The following B3GAT2 variants were observed in gnomAD, a reference collection of about 807,000 sequenced individuals.
B3GAT2 encodes galactosylgalactosylxylosylprotein 3-beta-glucuronosyltransferase 2.
In B3GAT2, 26 loss-of-function variants were observed where a neutral mutation model predicts 27.8. The ratio of observed to expected loss-of-function variants is 0.93; its 90% CI spans 0.68 to 1.30. The LOEUF (loss-of-function observed/expected upper bound fraction) is 1.30. B3GAT2 is among the 50% of genes most tolerant of loss of function. B3GAT2 has a pLI of 0.00. For synonymous variants in B3GAT2, 218 were observed against 195.1 expected, an observed-to-expected ratio of 1.12 and a Z score of -0.98; for missense variants, 458 against 459.0, an observed-to-expected ratio of 1.00 and a Z score of 0.02.
intron 1 of B3GAT2, among the ~76,000 whole-genome samples, chr6:70,919,947 G>A (rs1188728892): frequency 6.6e-6 from 1 of 152,216 alleles, no homozygotes; most frequent in Non-Finnish European, 1.5e-5. Flanking sequence ...CTGTCAGGCA[G>A]GGATGTTTAA....
At chr6:70,901,060 C>A (rs1049022122) in intron 1 of B3GAT2, among the ~76,000 whole-genome samples, 1 of 152,134 alleles carries the variant, frequency 6.6e-6, no homozygotes. Context: ...GATTTGGAAG[C>A]AAGGATTCTT....
In B3GAT2 at chr6:70,956,516, C is replaced by T. The variant is rs1765660983; in HGVS notation, c.-87G>A. 3 of 1,535,118 alleles carry T rather than the reference C, an allele frequency of 2.0e-6. No individual in the cohort carries two copies. The African/African-American group carries it at 4.1e-5, about 21-fold the overall frequency. On this transcript the variant is annotated 5_prime_UTR_variant, in exon 1 of 4. Coordinates refer to ENST00000230053, the MANE Select transcript of B3GAT2 (RefSeq NM_080742.3). ...GCAGCTTGGACAGCGGCGGCGCCAGCACTTAGGGAGTGGTGATGGGTGCGC... is the reference window on the plus strand; with the variant it reads ...GCAGCTTGGACAGCGGCGGCGCCAGTACTTAGGGAGTGGTGATGGGTGCGC...
chr6:70,890,202 G>C (rs563075388), intron 2 of B3GAT2, among the ~76,000 whole-genome samples: 7 of 152,104 alleles, frequency 4.6e-5, no homozygotes, highest in African/African-American at 1.4e-4. Flanking sequence ...CTTCTCTCCA[G>C]TGACCTCGCC....
At chr6:70,937,109 G>A (rs1204000982) in intron 1 of B3GAT2, among the ~76,000 whole-genome samples, 1 of 152,162 alleles carries the variant, frequency 6.6e-6, no homozygotes, top group Non-Finnish European at 1.5e-5. Flanking sequence ...TACCATCAGA[G>A]AATACTATAA....
rs138225853 is a variant in B3GAT2, at chr6:70,882,073, A to C, written c.736+12055T>G. Among the ~76,000 whole-genome samples the C allele has an allele frequency of 5.0e-3, 765 of 152,294 alleles. 2 individuals are homozygous for C. The highest frequency in any genetic ancestry group is 8.6e-3 in the Non-Finnish European group (582 of 68,022). ...CATTCTGGATAAATGAAGGTTTGTT[A>C]TTCTTTCTCTAACAGCAGACTAAAG... On this transcript the variant is annotated intron_variant, in intron 2 of 3. Coordinates refer to ENST00000230053, the MANE Select transcript of B3GAT2 (RefSeq NM_080742.3).
intron 1 of B3GAT2, among the ~76,000 whole-genome samples, chr6:70,944,561 A>G (rs1487137484): frequency 6.6e-6 from 1 of 152,230 alleles, no homozygotes; most frequent in African/African-American, 2.4e-5. Context: ...TAAACAAAGC[A>G]GCTGGGAAGC....
Position 70,859,578 on chromosome 6 carries a change from T to C in B3GAT2, c.*2085A>G. The stretch of plus-strand genomic sequence containing the variant: ...TTAAACCCACTCACTATATGGTAAA[T>C]CTTGCCTTTCCTTCTCTTATCACCA... On this transcript the variant is annotated 3_prime_UTR_variant, in exon 4 of 4. Coordinates refer to ENST00000230053, the MANE Select transcript of B3GAT2 (RefSeq NM_080742.3). The C allele has an allele frequency of 2.2e-6, 1 of 450,590 alleles. No individual in the cohort carries two copies. Among genetic ancestry groups the C allele is most frequent in the Non-Finnish European group, 3.9e-6 (1 of 259,636 alleles). 27.9% of individuals were successfully genotyped at this position (450,590 alleles called of 1,614,324 possible).
chr6:70,940,509 C>T (rs74322134), intron 1 of B3GAT2, among the ~76,000 whole-genome samples: 45 of 152,246 alleles, frequency 3.0e-4, no homozygotes, highest in African/African-American at 9.9e-4. Context: ...AAATCTATTT[C>T]GTGCCCTCTC....
At chr6:70,945,899 G>A (rs1185937053) in intron 1 of B3GAT2, among the ~76,000 whole-genome samples, 2 of 151,830 alleles carry the variant, frequency 1.3e-5, no homozygotes, top group African/African-American at 2.4e-5. Flanking sequence ...CAAGCCAGAA[G>A]AGAGTGGGGG....
intron 2 of B3GAT2, among the ~76,000 whole-genome samples, chr6:70,886,221 A>T (rs593132): frequency 6.6e-6 from 1 of 151,944 alleles, no homozygotes; most frequent in African/African-American, 2.4e-5. Context: ...AGACACACTG[A>T]CCTGACTCTG....
At chr6:70,889,447 A>G (rs896753929) in intron 2 of B3GAT2, among the ~76,000 whole-genome samples, 3 of 151,902 alleles carry the variant, frequency 2.0e-5, no homozygotes, top group Non-Finnish European at 4.4e-5. Context: ...CTCGCCACAA[A>G]AGTCAGGGCT....
intron 2 of B3GAT2, among the ~76,000 whole-genome samples, chr6:70,863,047 C>T (rs1771789386): frequency 6.6e-6 from 1 of 152,180 alleles, no homozygotes; most frequent in African/African-American, 2.4e-5. Flanking sequence ...CATTGAAGCA[C>T]TCTACAATTG....
At position 70,861,810 on chromosome 6, in the gene B3GAT2, A is replaced by G. The variant is rs1293189234; in HGVS notation, c.885+20T>C. 6.2e-7 allele frequency: 1 copy of G among 1,613,964 alleles called. No individual in the cohort carries two copies. The highest frequency in any genetic ancestry group is 8.5e-7 in the Non-Finnish European group (1 of 1,179,970). On this transcript the variant is annotated intron_variant, in intron 3 of 3. Transcript: ENST00000230053. ...TTCATGGTGACACTCGAGGTCGGGC[A>G]GCACAAGTGTAATGAATACCTTAGT...
intron 1 of B3GAT2, among the ~76,000 whole-genome samples, chr6:70,903,817 C>T (rs1314955426): frequency 2.0e-5 from 3 of 151,734 alleles, no homozygotes; most frequent in Non-Finnish European, 4.4e-5. Context: ...GTAACAACTA[C>T]TTGGGAAAAA....
chr6:70,858,059 ATGG>A lies in B3GAT2; in HGVS notation c.*3601_*3603del. 1 of 1,614,096 alleles carries A rather than the reference ATGG, an allele frequency of 6.2e-7. No homozygotes were observed. The highest frequency in any genetic ancestry group is 8.5e-7 in the Non-Finnish European group (1 of 1,179,992). On this transcript the variant is annotated 3_prime_UTR_variant, in exon 4 of 4. Transcript: ENST00000230053. Reference sequence around the variant, plus strand: ...TGTGATGGGACAGAGTCCAAGCATGATGGTGGGCATGCCCATGCCCAATGGGTT... The same window carrying A: ...TGTGATGGGACAGAGTCCAAGCATGATGGGCATGCCCATGCCCAATGGGTT...
chr6:70,899,408 C>A (rs1449212527), intron 1 of B3GAT2, among the ~76,000 whole-genome samples: 1 of 152,188 alleles, frequency 6.6e-6, no homozygotes, highest in Non-Finnish European at 1.5e-5. Context: ...GTAGGTTTTG[C>A]TTAGCACACT....
chr6:70,893,774 C>G (rs959808745), intron 2 of B3GAT2, among the ~76,000 whole-genome samples: 4 of 151,994 alleles, frequency 2.6e-5, no homozygotes, highest in Non-Finnish European at 5.9e-5. Context: ...AAAAGGGAGT[C>G]AAAAGGTTCC....
Position 70,856,768 on chromosome 6 carries a change from C to T in B3GAT2, c.*4895G>A. ...CCTTCTACAATTGTTTGATTCCTAT[C>T]TAATTTTATAACTTTATTTGGATTT... On this transcript the variant is annotated 3_prime_UTR_variant, in exon 4 of 4. Transcript: ENST00000230053. 7.6e-7 allele frequency: 1 copy of T among 1,313,332 alleles called. No individual in the cohort carries two copies. The allele number at this position is 1,313,332 out of a possible 1,614,324, so 81.4% of individuals were successfully genotyped here.
chr6:70,911,063 A>G (rs1772682210), intron 1 of B3GAT2, among the ~76,000 whole-genome samples: 1 of 152,134 alleles, frequency 6.6e-6, no homozygotes, highest in Non-Finnish European at 1.5e-5. Flanking sequence ...GATTCTGGAT[A>G]TTAGACCTTT....
Sources: gnomAD v4.1 joint callset for allele counts (sites outside exome capture counted in the v4.1 genomes callset) on GRCh38, gnomAD v4.1.1 for gene constraint, MANE v1.5 for transcripts, NCBI Gene and HGNC (gene_info 2026-07-23, HGNC 2026-07-21) for gene names.